KCNB2: variants seen among roughly 807,000 people sequenced by gnomAD.
KCNB2 encodes the protein delayed rectifier potassium channel protein.
KCNB2 carries 15 observed loss-of-function variants against 61.5 expected under a neutral mutation model. The observed-to-expected ratio is 0.24, with a 90% CI of 0.16 to 0.38. The LOEUF is 0.38. Among genes scored for constraint, KCNB2 ranks in the 10% least tolerant of loss-of-function variants. The probability of loss-of-function intolerance (pLI) is 1.00; values close to 1 mark genes in which losing one functional copy is unlikely to be tolerated. For synonymous variants in KCNB2, 457 were observed against 446.0 expected, an observed-to-expected ratio of 1.02 and a Z score of -0.31; for missense variants, 828 against 1,125.2, an observed-to-expected ratio of 0.74 and a Z score of 3.78.
chr8:72,831,084 A>C (rs1266091943), intron 2 of KCNB2, among the ~76,000 whole-genome samples: 1 of 152,162 alleles, frequency 6.6e-6, no homozygotes, highest in Non-Finnish European at 1.5e-5. Context: ...TTTAACAACT[A>C]CTCAGATTGG....
chr8:72,856,298 T>C (rs1240844883), intron 2 of KCNB2, among the ~76,000 whole-genome samples: 1 of 152,200 alleles, frequency 6.6e-6, no homozygotes, highest in Non-Finnish European at 1.5e-5. Context: ...ATCATAAATC[T>C]AGTGCATATT....
At chr8:72,598,554 CCT>C (rs1279119878) in intron 2 of KCNB2, among the ~76,000 whole-genome samples, 6 of 152,106 alleles carry the variant, frequency 3.9e-5, no homozygotes, top group Admixed American at 3.9e-4. Flanking sequence ...ACAAGAATGC[CCT>C]CTCTCACCAC....
intron 2 of KCNB2, among the ~76,000 whole-genome samples, chr8:72,676,921 C>A (rs1409253177): frequency 2.6e-5 from 4 of 152,070 alleles, no homozygotes; most frequent in Non-Finnish European, 5.9e-5. Flanking sequence ...TTTGTCTGTT[C>A]CCCCCACCCC....
At chr8:72,618,912 G>T in intron 2 of KCNB2, 1 of 331,496 alleles carries the variant, frequency 3.0e-6, no homozygotes. Context: ...CGCTACTAGG[G>T]ACTGATGAAA....
intron 2 of KCNB2, among the ~76,000 whole-genome samples, chr8:72,758,790 G>A (rs1808333840): frequency 6.6e-6 from 1 of 152,130 alleles, no homozygotes; most frequent in African/African-American, 2.4e-5. Context: ...AAAACTCAGG[G>A]CCCACAATTC....
chr8:72,726,849 C>CA (rs1228654450), intron 2 of KCNB2, among the ~76,000 whole-genome samples: 1 of 152,134 alleles, frequency 6.6e-6, no homozygotes, highest in Non-Finnish European at 1.5e-5. Context: ...GAGGTACCTT[C>CA]AGGAGGTACC....
At chr8:72,902,664 A>T (rs1045461925) in intron 2 of KCNB2, among the ~76,000 whole-genome samples, 1 of 152,174 alleles carries the variant, frequency 6.6e-6, no homozygotes, top group Admixed American at 6.5e-5. Flanking sequence ...TCATTAAATG[A>T]ACAACTGAAT....
intron 2 of KCNB2, among the ~76,000 whole-genome samples, chr8:72,664,835 AG>A (rs1806440901): frequency 6.6e-6 from 1 of 152,228 alleles, no homozygotes; most frequent in Non-Finnish European, 1.5e-5. Flanking sequence ...TGGAATCATT[AG>A]GGATTGTAAG....
chr8:72,657,372 T>A (rs1400063296), intron 2 of KCNB2, among the ~76,000 whole-genome samples: 1 of 152,172 alleles, frequency 6.6e-6, no homozygotes. Context: ...TCAAAATTTA[T>A]TCAGTTAATA....
At chr8:72,573,148 C>CA (rs1359998469) in intron 2 of KCNB2, among the ~76,000 whole-genome samples, 1 of 147,348 alleles carries the variant, frequency 6.8e-6, no homozygotes. Flanking sequence ...GTAGGCCTTT[C>CA]AAGCCACAGA....
intron 2 of KCNB2, among the ~76,000 whole-genome samples, chr8:72,732,303 C>T (rs1251253791): frequency 6.6e-6 from 1 of 152,152 alleles, no homozygotes; most frequent in Non-Finnish European, 1.5e-5. Flanking sequence ...TACAGTTTAT[C>T]GGTCTGTCAA....
intron 2 of KCNB2, among the ~76,000 whole-genome samples, chr8:72,627,825 G>T (rs1255350319): frequency 6.6e-6 from 1 of 152,004 alleles, no homozygotes; most frequent in African/African-American, 2.4e-5. Flanking sequence ...CAAACTCCAG[G>T]TCTGTTTTCA....
At chr8:72,850,219 G>A (rs961497732) in intron 2 of KCNB2, among the ~76,000 whole-genome samples, 37 of 18,786 alleles carry the variant, frequency 2.0e-3, no homozygotes, top group African/African-American at 4.4e-3. Context: ...GTGTGTGTGT[G>A]TATGTGTGTG....
chr8:72,904,712 AT>A (rs1250707868), intron 2 of KCNB2, among the ~76,000 whole-genome samples: 1 of 151,754 alleles, frequency 6.6e-6, no homozygotes, highest in Admixed American at 6.6e-5. Context: ...ACAACGTTTT[AT>A]TTTTTTAAAT....
At chr8:72,822,185 C>T (rs1809523577) in intron 2 of KCNB2, among the ~76,000 whole-genome samples, 1 of 152,238 alleles carries the variant, frequency 6.6e-6, no homozygotes, top group Non-Finnish European at 1.5e-5. Flanking sequence ...GTGGCTGCTG[C>T]CCTCTCCTTC....
In KCNB2 at chr8:72,833,737, T is replaced by A. The variant is rs547585544; in HGVS notation, c.580-102198T>A. On this transcript the variant is annotated intron_variant, in intron 2 of 2. Coordinates refer to ENST00000523207, the MANE Select transcript of KCNB2 (RefSeq NM_004770.3). ...AGATGTTACAGTTGCAGAGGGAGAA[T>A]GCAGTTCCACAGAGGAGCATTTCTA... Among the ~76,000 whole-genome samples the A allele has an allele frequency of 6.4e-4, 98 of 152,194 alleles. 1 individual carries two copies. Among genetic ancestry groups the A allele is most frequent in the Non-Finnish European group, 7.1e-4 (48 of 67,996 alleles).
intron 2 of KCNB2, among the ~76,000 whole-genome samples, chr8:72,634,108 G>A (rs767806450): frequency 3.9e-5 from 6 of 152,174 alleles, no homozygotes; most frequent in Admixed American, 2.0e-4. Context: ...TGATGTCCAC[G>A]TTTGGAAGAA....
chr8:72,921,729 C>T (rs1313741181), intron 2 of KCNB2, among the ~76,000 whole-genome samples: 1 of 152,194 alleles, frequency 6.6e-6, no homozygotes, highest in Non-Finnish European at 1.5e-5. Flanking sequence ...CATGTTCTAA[C>T]TTGTCCTGGG....
intron 2 of KCNB2, among the ~76,000 whole-genome samples, chr8:72,830,473 T>G: frequency 6.6e-6 from 1 of 152,160 alleles, no homozygotes; most frequent in East Asian, 1.9e-4. Flanking sequence ...ATAGAACAAG[T>G]CAACCCACTC....
Sources: allele counts gnomAD v4.1 joint callset (sites outside exome capture counted in the v4.1 genomes callset), GRCh38; gene constraint gnomAD v4.1.1; transcripts MANE v1.5; gene names NCBI Gene and HGNC (gene_info 2026-07-23, HGNC 2026-07-21).